The following PLSCR2 variants were observed in gnomAD, a reference collection of about 807,000 sequenced individuals.
PLSCR2 encodes the protein phospholipid scramblase 2.
A neutral mutation model predicts 25.3 loss-of-function variants in PLSCR2; 18 were observed. That is an observed-to-expected ratio of 0.71 (90% CI 0.49 to 1.06). PLSCR2 has a LOEUF of 1.06. Among genes scored for constraint, PLSCR2 ranks in the 50% least tolerant of loss-of-function variants. The pLI is 0.00. For missense variants in PLSCR2, 243 were observed against 269.5 expected, an observed-to-expected ratio of 0.90 and a Z score of 0.69; for synonymous variants, 88 against 87.3, an observed-to-expected ratio of 1.01 and a Z score of -0.04.
At chr3:146,418,197 C>A (rs2039045207) in intron 2 of PLSCR2, among the ~76,000 whole-genome samples, 1 of 152,232 alleles carries the variant, frequency 6.6e-6, no homozygotes, top group South Asian at 2.1e-4. Context: ...TGTTGGGGAA[C>A]CATTGTTCTG....
chr3:146,468,106 T>C (rs2041948230), intron 1 of PLSCR2, among the ~76,000 whole-genome samples: 1 of 152,228 alleles, frequency 6.6e-6, no homozygotes, highest in Admixed American at 6.5e-5. Context: ...TATTTTGCTC[T>C]TTTCAGTCAG....
At chr3:146,458,530 A>G in intron 2 of PLSCR2, 77 bp from the exon 3 acceptor site, 2 of 1,018,044 alleles carry the variant, frequency 2.0e-6, no homozygotes, top group Non-Finnish European at 2.7e-6. Flanking sequence ...GTTTTTATTT[A>G]ATACTGCATA....
At chr3:146,495,018 G>A (rs977435204) in intron 1 of PLSCR2, 1 of 152,118 alleles carries the variant, frequency 6.6e-6, no homozygotes, top group Non-Finnish European at 1.5e-5. Context: ...GAGCTATAAA[G>A]TGAATCCAGG....
At chr3:146,406,531 TGAGGA>T (rs1344878041) in intron 2 of PLSCR2, among the ~76,000 whole-genome samples, 1 of 151,582 alleles carries the variant, frequency 6.6e-6, no homozygotes, top group Non-Finnish European at 1.5e-5. Flanking sequence ...GTGAAAGAGG[TGAGGA>T]GAGGAGTAGG....
upstream of PLSCR2, among the ~76,000 whole-genome samples, chr3:146,463,383 C>CT (rs2041713113): frequency 2.6e-5 from 4 of 152,244 alleles, no homozygotes; most frequent in South Asian, 8.3e-4. Flanking sequence ...TCTTGATCTC[C>CT]TGACCTCGTG....
At chr3:146,447,509 G>A (rs1263504351) in intron 6 of PLSCR2, among the ~76,000 whole-genome samples, 1 of 152,148 alleles carries the variant, frequency 6.6e-6, no homozygotes, top group East Asian at 1.9e-4. Context: ...CTAGGGCCTC[G>A]AATGGGGGCC....
At chr3:146,476,674 C>T (rs1246610774) in intron 1 of PLSCR2, among the ~76,000 whole-genome samples, 2 of 152,218 alleles carry the variant, frequency 1.3e-5, no homozygotes, top group African/African-American at 2.4e-5. Flanking sequence ...CACTGTATTT[C>T]CCCGGCTGGT....
chr3:146,482,485 T>A (rs1560053372), intron 1 of PLSCR2, among the ~76,000 whole-genome samples: 1 of 152,216 alleles, frequency 6.6e-6, no homozygotes, highest in Non-Finnish European at 1.5e-5. Flanking sequence ...ATGCTCATCA[T>A]CACTGGTCAT....
upstream of PLSCR2, among the ~76,000 whole-genome samples, chr3:146,461,044 A>G: frequency 6.6e-6 from 1 of 152,356 alleles, no homozygotes; most frequent in East Asian, 1.9e-4. Context: ...TAACAGATGA[A>G]AAATTCTAAA....
At chr3:146,427,375 G>A (rs2039392824) in intron 2 of PLSCR2, among the ~76,000 whole-genome samples, 1 of 152,146 alleles carries the variant, frequency 6.6e-6, no homozygotes, top group South Asian at 2.1e-4. Context: ...ACATGGAGGA[G>A]GAAACACTTG....
chr3:146,419,946 C>T (rs1559979807), intron 2 of PLSCR2, among the ~76,000 whole-genome samples: 1 of 152,060 alleles, frequency 6.6e-6, no homozygotes, highest in Non-Finnish European at 1.5e-5. Context: ...TTGTGATTTG[C>T]ACATCCTTGG....
chr3:146,480,439 A>G (rs2043089038), intron 1 of PLSCR2, among the ~76,000 whole-genome samples: 1 of 152,224 alleles, frequency 6.6e-6, no homozygotes, highest in African/African-American at 2.4e-5. Context: ...ACAAACTACC[A>G]TAAGAGAAAA....
chr3:146,415,525 G>T (rs1057311353), intron 2 of PLSCR2, among the ~76,000 whole-genome samples: 1 of 151,892 alleles, frequency 6.6e-6, no homozygotes, highest in Admixed American at 6.6e-5. Flanking sequence ...TTTTAATATA[G>T]TTTTTACCCA....
chr3:146,468,705 C>T (rs2041973998), intron 1 of PLSCR2, among the ~76,000 whole-genome samples: 1 of 152,068 alleles, frequency 6.6e-6, no homozygotes, highest in Admixed American at 6.5e-5. Flanking sequence ...AAAACTAAGC[C>T]CATAAAGATA....
intron 2 of PLSCR2, among the ~76,000 whole-genome samples, chr3:146,421,568 T>C (rs536446640): frequency 6.6e-6 from 1 of 152,188 alleles, no homozygotes; most frequent in African/African-American, 2.4e-5. Flanking sequence ...GACAGGTAAG[T>C]TGAAACGGTT....
chr3:146,494,897 G>T (rs2043691138), intron 1 of PLSCR2: 1 of 152,100 alleles, frequency 6.6e-6, no homozygotes, highest in African/African-American at 2.4e-5. Flanking sequence ...TTCCTAGTGG[G>T]TTCACTGTAG....
At chr3:146,416,702 A>G (rs1281525267) in intron 2 of PLSCR2, 1 of 152,218 alleles carries the variant, frequency 6.6e-6, no homozygotes, top group Non-Finnish European at 1.5e-5. Flanking sequence ...GGAATATACA[A>G]CTACAGTTTT....
intron 3 of PLSCR2, among the ~76,000 whole-genome samples, chr3:146,457,398 T>A (rs1560023897): frequency 6.6e-6 from 1 of 152,226 alleles, no homozygotes; most frequent in Non-Finnish European, 1.5e-5. Flanking sequence ...CTAAATTTAT[T>A]CTTGCACCTA....
At chr3:146,479,278 A>G (rs1096746) in intron 1 of PLSCR2, among the ~76,000 whole-genome samples, 33,029 of 152,180 alleles carry the variant, frequency 0.22, 3,785 homozygotes, top group South Asian at 0.34. Flanking sequence ...AAATGCCCCA[A>G]TTAAAAGACA....
Sources: allele counts gnomAD v4.1 joint callset (sites outside exome capture counted in the v4.1 genomes callset), GRCh38; gene constraint gnomAD v4.1.1; transcripts MANE v1.5; gene names NCBI Gene and HGNC (gene_info 2026-07-23, HGNC 2026-07-21).